Variants in ANK3 observed in about 807,000 individuals in gnomAD.
ANK3 encodes the protein ankyrin-3.
ANK3 carries 57 observed loss-of-function variants against 370.9 expected under a neutral mutation model. The ratio of observed to expected loss-of-function variants is 0.15; its 90% CI spans 0.12 to 0.19. ANK3 has a LOEUF of 0.19. Ranked by LOEUF, ANK3 falls within the 10% of genes least tolerant of loss-of-function variation. The pLI, the probability that ANK3 is intolerant of heterozygous loss-of-function variation, is 1.00. For missense variants in ANK3, 4,439 were observed against 5,302.1 expected (o/e 0.84, Z 5.06); for synonymous variants, 1,929 against 1,946.3 (o/e 0.99, Z 0.23).
At chr10:60,086,637 T>C (rs763327064) in intron 30 of ANK3, 40 bp downstream of exon 30, 2 of 1,526,276 alleles carry the variant, frequency 1.3e-6, no homozygotes, top group African/African-American at 2.8e-5. Flanking sequence ...TACACAATCT[T>C]TGTGAATCAA....
intron 1 of ANK3, among the ~76,000 whole-genome samples, 196 bp downstream of exon 1, chr10:60,389,229 G>T (rs1350669696): frequency 1.3e-5 from 2 of 152,088 alleles, no homozygotes; most frequent in Non-Finnish European, 2.9e-5. Context: ...CCCCACAGGA[G>T]AAAACCGTCC....
rs939439749 is a variant in ANK3, at chr10:60,711,384, AT to A, written c.57+21878del. On this transcript the variant is annotated intron_variant, in intron 1 of 43. Coordinates refer to the ANK3 transcript ENST00000373827. ...AAAAATTAAAATTGAATAAAAATAA[AT>A]AAATAAATAAATAAATAAAAATAAA... 3.1e-4 allele frequency among the ~76,000 whole-genome samples: 25 copies of A among 81,670 alleles called. 1 individual carries two copies. In the South Asian group the frequency reaches 7.4e-3, roughly 24 times the overall value. 53.6% of individuals were successfully genotyped at this position (81,670 alleles called of 152,430 possible).
intron 2 of ANK3, among the ~76,000 whole-genome samples, chr10:60,454,383 G>A (rs1268233136): frequency 1.3e-5 from 2 of 152,040 alleles, no homozygotes; most frequent in Non-Finnish European, 2.9e-5. Context: ...CCTATCCACC[G>A]ACTGCCCTCA....
At position 60,073,075 on chromosome 10, in the gene ANK3, T is replaced by C. The variant is rs371662914; in HGVS notation, c.7806A>G (p.Leu2602=). 3.7e-6 allele frequency: 6 copies of C among 1,614,168 alleles called. No individual in the cohort carries two copies. In the African/African-American group the frequency reaches 8.0e-5, roughly 22 times the overall value. ...SQFFRDKTEK[L]NDELQSPEKK... ...TCTCTGGGGACTGCAGTTCATCATT[T>C]AGCTTTTCAGTTTTGTCACGAAAAA... Residue 2602 remains leucine (L), a synonymous_variant, in exon 37 of 44, where the codon CTA becomes CTG. Transcript: ENST00000280772.
chr10:60,241,833 C>T (rs934507215), intron 7 of ANK3, among the ~76,000 whole-genome samples: 16 of 152,104 alleles, frequency 1.1e-4, no homozygotes, highest in African/African-American at 3.9e-4. Flanking sequence ...TACGCAGATG[C>T]ATTTTATAAA....
At chr10:60,493,718 T>C (rs1466213894) in intron 2 of ANK3, among the ~76,000 whole-genome samples, 1 of 151,930 alleles carries the variant, frequency 6.6e-6, no homozygotes. Flanking sequence ...AAGAACTACA[T>C]AGCCAACCCC....
intron 2 of ANK3, among the ~76,000 whole-genome samples, chr10:60,543,709 A>G (rs1043478149): frequency 4.6e-5 from 7 of 152,034 alleles, no homozygotes; most frequent in African/African-American, 1.7e-4. Flanking sequence ...TTTTAATCTC[A>G]TAAAATTTAA....
intron 1 of ANK3, among the ~76,000 whole-genome samples, chr10:60,283,248 G>T (rs2098192597): frequency 1.3e-5 from 2 of 151,990 alleles, no homozygotes; most frequent in South Asian, 2.1e-4. Flanking sequence ...ACACTATTTT[G>T]TCCTAGACTC....
intron 42 of ANK3, among the ~76,000 whole-genome samples, chr10:60,048,596 C>T (rs1589232187): frequency 6.6e-6 from 1 of 152,240 alleles, no homozygotes; most frequent in East Asian, 1.9e-4. Flanking sequence ...TTTAAATCAC[C>T]TCTAGATAAC....
intron 1 of ANK3, among the ~76,000 whole-genome samples, chr10:60,290,809 A>AT (rs1175587248): frequency 2.0e-5 from 3 of 152,178 alleles, no homozygotes; most frequent in Non-Finnish European, 4.4e-5. Flanking sequence ...GAAAGGCAAA[A>AT]CAACATTCCC....
intron 1 of ANK3, among the ~76,000 whole-genome samples, chr10:60,669,455 G>T (rs745931265): frequency 5.3e-5 from 8 of 152,044 alleles, no homozygotes; most frequent in Non-Finnish European, 1.0e-4. Flanking sequence ...GTTGGGTACC[G>T]CTGGGTCCCT....
chr10:60,416,046 T>G (rs1381447962), intron 2 of ANK3, among the ~76,000 whole-genome samples: 1 of 148,500 alleles, frequency 6.7e-6, no homozygotes, highest in East Asian at 2.0e-4. Flanking sequence ...GTGTCCCTAT[T>G]AAAAAAAAAT....
chr10:60,685,042 G>A lies in ANK3; in HGVS notation c.57+48221C>T, dbSNP rs1019983627. The A allele has an allele frequency of 7.8e-5, 114 of 1,455,456 alleles. No individual in the cohort carries two copies. The African/African-American group carries it at 1.3e-3, about 17-fold the overall frequency. The allele number at this position is 1,455,456 out of a possible 1,614,324, so 90.2% of individuals were successfully genotyped here. A position where few individuals can be genotyped will look rare whatever the true frequency, so the allele number is the denominator to read the frequency against. Reference sequence around the variant, plus strand: ...AGGAGATGGCCTAAAGGAAGGACTTGAGAAACTGCATGATATGATCATTAA... The same window carrying A: ...AGGAGATGGCCTAAAGGAAGGACTTAAGAAACTGCATGATATGATCATTAA... On this transcript the variant is annotated intron_variant, in intron 1 of 43. Coordinates refer to the ANK3 transcript ENST00000373827.
intron 28 of ANK3, 127 bp from the exon 29 acceptor site, chr10:60,088,485 G>A (rs1462375943): frequency 2.2e-5 from 18 of 817,746 alleles, no homozygotes; most frequent in Non-Finnish European, 3.2e-5. Context: ...AAGTGCAATG[G>A]CGTGATCTTG....
intron 1 of ANK3, among the ~76,000 whole-genome samples, chr10:60,385,962 T>C (rs1178250941): frequency 3.3e-5 from 5 of 152,136 alleles, no homozygotes; most frequent in Admixed American, 3.3e-4. Context: ...GACACGCAGG[T>C]AACATGGTAC....
Position 60,082,760 on chromosome 10 carries a change from T to C in ANK3, c.4201-23A>G, listed in dbSNP as rs752703525. ...AATCTAGAAGAATTTTGGTAGTTGA[T>C]GGTTATAGAATGAGACTTATCTGAG... On this transcript the variant is annotated intron_variant, in intron 33 of 43. Coordinates refer to ENST00000280772, the MANE Select transcript of ANK3 (RefSeq NM_020987.5). 9 of 1,608,432 alleles carry C rather than the reference T, an allele frequency of 5.6e-6. No individual in the cohort carries two copies. The South Asian group carries it at 6.7e-5, about 12-fold the overall frequency.
intron 2 of ANK3, among the ~76,000 whole-genome samples, chr10:60,567,498 C>T (rs541958696): frequency 1.3e-4 from 20 of 152,242 alleles, no homozygotes; most frequent in Admixed American, 6.5e-4. Flanking sequence ...TGCTCATTGA[C>T]AATGCACCTG....
intron 2 of ANK3, among the ~76,000 whole-genome samples, chr10:60,597,668 C>T (rs1193153554): frequency 2.0e-5 from 3 of 152,132 alleles, no homozygotes; most frequent in East Asian, 1.9e-4. Flanking sequence ...CATAGAATTT[C>T]TCAAGAGTTT....
chr10:60,296,121 C>G (rs1040677130), intron 1 of ANK3, among the ~76,000 whole-genome samples: 3 of 152,184 alleles, frequency 2.0e-5, no homozygotes, highest in Admixed American at 1.3e-4. Flanking sequence ...AAGTACAGAT[C>G]AGGATCACTC....
Sources: gnomAD v4.1 joint callset for allele counts (sites outside exome capture counted in the v4.1 genomes callset) on GRCh38, gnomAD v4.1.1 for gene constraint, MANE v1.5 for transcripts, NCBI Gene and HGNC (gene_info 2026-07-23, HGNC 2026-07-21) for gene names.